Variants in VWC2 observed in about 807,000 individuals in gnomAD.
The protein encoded by VWC2 is brorin.
In VWC2, 14 loss-of-function variants were observed where a neutral mutation model predicts 29.8. That is an observed-to-expected ratio of 0.47 (90% CI 0.31 to 0.74). The LOEUF is 0.74. Ranked by LOEUF, VWC2 falls within the 30% of genes least tolerant of loss-of-function variation. VWC2 has a pLI of 0.05. For synonymous variants in VWC2, 213 were observed against 199.0 expected (o/e 1.07, Z -0.59); for missense variants, 457 against 459.8 (o/e 0.99, Z 0.05).
At chr7:49,864,240 G>A (rs142773730) in intron 3 of VWC2, among the ~76,000 whole-genome samples, 1 of 152,250 alleles carries the variant, frequency 6.6e-6, no homozygotes, top group Non-Finnish European at 1.5e-5. Flanking sequence ...AAGGGAAAGA[G>A]AGGAAGACAG....
chr7:49,857,624 G>C (rs1790478617), intron 3 of VWC2, among the ~76,000 whole-genome samples: 1 of 151,926 alleles, frequency 6.6e-6, no homozygotes, highest in Non-Finnish European at 1.5e-5. Flanking sequence ...TGTCAAAATG[G>C]CTATTAACAA....
chr7:49,869,611 A>G (rs1044761437), intron 3 of VWC2, among the ~76,000 whole-genome samples: 12 of 152,358 alleles, frequency 7.9e-5, no homozygotes, highest in African/African-American at 2.9e-4. Context: ...GAATTAAAAA[A>G]TAGTCCTAAA....
chr7:49,866,641 G>T (rs1347644829), intron 3 of VWC2, among the ~76,000 whole-genome samples: 3 of 152,172 alleles, frequency 2.0e-5, no homozygotes, highest in African/African-American at 4.8e-5. Context: ...ACAAAAGATG[G>T]TCAGTTTTGA....
chr7:49,915,327 GA>G lies in VWC2; in HGVS notation c.*3145del, dbSNP rs768312783. On this transcript the variant is annotated 3_prime_UTR_variant, in exon 4 of 4. Coordinates refer to ENST00000340652, the MANE Select transcript of VWC2 (RefSeq NM_198570.5). ...TGACATCAAGGGGTCTGTAAGCCTT[GA>G]AACTAATTTAGGTTTGATTATAATA... 6.6e-6 allele frequency: 1 copy of G among 152,188 alleles called. No homozygotes were observed. Among genetic ancestry groups the G allele is most frequent in the Non-Finnish European group, 1.5e-5 (1 of 68,022 alleles). The allele number at this position is 152,188 out of a possible 1,614,324, so 9.4% of individuals were successfully genotyped here.
At chr7:49,887,590 G>A (rs543683126) in intron 3 of VWC2, among the ~76,000 whole-genome samples, 18 of 152,264 alleles carry the variant, frequency 1.2e-4, no homozygotes, top group Middle Eastern at 3.4e-3. Context: ...ATAATCAGAT[G>A]TCAATGGCAG....
rs576850393 is a variant in VWC2, at chr7:49,921,555, T to C, written c.*9370T>C. On this transcript the variant is annotated 3_prime_UTR_variant, in exon 4 of 4. Coordinates refer to ENST00000340652, the MANE Select transcript of VWC2 (RefSeq NM_198570.5). Reference sequence around the variant, plus strand: ...TAACTCAGATTGCTCATCAGTAACATGGGGAGAGTGGTATCAACCACTAAG... The same window carrying C: ...TAACTCAGATTGCTCATCAGTAACACGGGGAGAGTGGTATCAACCACTAAG... The C allele has an allele frequency of 8.5e-5, 13 of 152,240 alleles. No individual in the cohort carries two copies. The East Asian group carries it at 2.5e-3, about 29-fold the overall frequency. The allele number at this position is 152,240 out of a possible 1,614,324, so 9.4% of individuals were successfully genotyped here.
At chr7:49,891,044 T>C (rs751136535) in intron 3 of VWC2, among the ~76,000 whole-genome samples, 3 of 152,190 alleles carry the variant, frequency 2.0e-5, no homozygotes, top group Admixed American at 2.0e-4. Flanking sequence ...CTATATTGAA[T>C]AAAAATCAAT....
chr7:49,802,050 T>G (rs182403646), intron 2 of VWC2, among the ~76,000 whole-genome samples: 30 of 152,334 alleles, frequency 2.0e-4, no homozygotes, highest in Admixed American at 1.7e-3. Context: ...GGTGAGGGGA[T>G]GGGCAAGAAC....
chr7:49,811,053 C>T (rs1437338224), intron 3 of VWC2, among the ~76,000 whole-genome samples: 1 of 151,954 alleles, frequency 6.6e-6, no homozygotes, highest in Admixed American at 6.6e-5. Flanking sequence ...TCTCAAAACA[C>T]ACAACAAATA....
chr7:49,795,192 G>A (rs974022390), intron 2 of VWC2, among the ~76,000 whole-genome samples: 3 of 152,180 alleles, frequency 2.0e-5, no homozygotes, highest in African/African-American at 7.2e-5. Flanking sequence ...GGTCCCATGT[G>A]TATGTAATCT....
At chr7:49,829,443 T>G (rs691163) in intron 3 of VWC2, among the ~76,000 whole-genome samples, 137,142 of 152,196 alleles carry the variant, frequency 0.9, 61,979 homozygotes, top group East Asian at 0.94. Flanking sequence ...TCCCATGGAG[T>G]CATCCATAGC....
At chr7:49,851,196 C>A (rs1248137065) in intron 3 of VWC2, among the ~76,000 whole-genome samples, 1 of 152,222 alleles carries the variant, frequency 6.6e-6, no homozygotes, top group Admixed American at 6.5e-5. Context: ...TGGTCTTCTT[C>A]TCTGTGCCCG....
At chr7:49,819,109 G>A (rs983503170) in intron 3 of VWC2, among the ~76,000 whole-genome samples, 46 of 152,188 alleles carry the variant, frequency 3.0e-4, no homozygotes, top group Admixed American at 2.9e-3. Flanking sequence ...TCGCTGGTCT[G>A]CAGTTCCCTC....
intron 3 of VWC2, among the ~76,000 whole-genome samples, chr7:49,823,402 C>G (rs905098632): frequency 1.3e-5 from 2 of 152,148 alleles, no homozygotes; most frequent in Non-Finnish European, 2.9e-5. Flanking sequence ...AGATGTTGGA[C>G]TCTGCAGAGA....
At chr7:49,864,922 C>T (rs1214900568) in intron 3 of VWC2, among the ~76,000 whole-genome samples, 4 of 152,148 alleles carry the variant, frequency 2.6e-5, no homozygotes, top group Non-Finnish European at 5.9e-5. Context: ...CTGTTTTCCA[C>T]GTTTCTAATG....
chr7:49,862,531 T>C (rs1790695203), intron 3 of VWC2, among the ~76,000 whole-genome samples: 1 of 152,192 alleles, frequency 6.6e-6, no homozygotes, highest in Non-Finnish European at 1.5e-5. Context: ...TGGAAATCCT[T>C]GTCTTGTTCC....
rs939047093 is a variant in VWC2 at position 49,915,888 on chromosome 7, T to G, written c.*3703T>G. The stretch of plus-strand genomic sequence containing the variant: ...ACATGCTTCTTTGGCCAACATAATT[T>G]GTAACTGTCTTACTGAACCTACTTA... On this transcript the variant is annotated 3_prime_UTR_variant, in exon 4 of 4. Coordinates refer to ENST00000340652, the MANE Select transcript of VWC2 (RefSeq NM_198570.5). 2.0e-5 allele frequency: 3 copies of G among 152,258 alleles called. No homozygotes were observed. Among genetic ancestry groups the G allele is most frequent in the African/African-American group, 7.2e-5 (3 of 41,484 alleles). 9.4% of individuals were successfully genotyped at this position (152,258 alleles called of 1,614,324 possible).
At chr7:49,820,714 C>T (rs527333115) in intron 3 of VWC2, among the ~76,000 whole-genome samples, 120 of 152,306 alleles carry the variant, frequency 7.9e-4, no homozygotes, top group Admixed American at 2.2e-3. Context: ...GTGTACCTCA[C>T]TTACATTGAC....
In VWC2 at chr7:49,845,316, T is replaced by C. The variant is rs138467546; in HGVS notation, c.826+42476T>C. Among the ~76,000 whole-genome samples the C allele has an allele frequency of 4.7e-3, 717 of 152,254 alleles. 5 individuals carry two copies. The highest frequency in any genetic ancestry group is 0.016 in the African/African-American group (681 of 41,544). On this transcript the variant is annotated intron_variant, in intron 3 of 3. Transcript: ENST00000340652. ...AGGAAAAAAAAAAGGTGATAGATGA[T>C]TTAAATATACAATCTCTAGGACTCT... is the stretch of plus-strand genomic sequence containing the variant.
Sources: gnomAD v4.1 joint callset for allele counts (sites outside exome capture counted in the v4.1 genomes callset) on GRCh38, gnomAD v4.1.1 for gene constraint, MANE v1.5 for transcripts, NCBI Gene and HGNC (gene_info 2026-07-23, HGNC 2026-07-21) for gene names.